Variants in MAGI1 observed in about 807,000 individuals in gnomAD.
MAGI1 encodes the protein membrane associated guanylate kinase, WW and PDZ domain containing 1.
A neutral mutation model predicts 139.9 loss-of-function variants in MAGI1; 58 were observed. The ratio of observed to expected loss-of-function variants is 0.41; its 90% CI spans 0.34 to 0.52. The LOEUF is 0.52. MAGI1 is among the 20% of genes least tolerant of loss of function. The probability of loss-of-function intolerance (pLI) is 0.12; values close to 1 mark genes in which losing one functional copy is unlikely to be tolerated. For synonymous variants in MAGI1, 812 were observed against 737.9 expected (o/e 1.10, Z -1.63); for missense variants, 1,874 against 1,901.6 (o/e 0.99, Z 0.27).
At position 65,765,058 on chromosome 3, in the gene MAGI1, G is replaced by C. The variant is rs545067354; in HGVS notation, c.314-142970C>G. 2.0e-5 allele frequency among the ~76,000 whole-genome samples: 3 copies of C among 152,264 alleles called. No homozygotes were observed. In the East Asian group the frequency reaches 5.8e-4, roughly 29 times the overall value. The stretch of plus-strand genomic sequence containing the variant: ...TGAGGCTGATTTTCATAAAGGGCCT[G>C]TGTCCCCAAGGTAAGGAATGCATCC... On this transcript the variant is annotated intron_variant, in intron 1 of 22. Coordinates refer to ENST00000402939, the MANE Select transcript of MAGI1 (RefSeq NM_001033057.2).
rs1950486662 is a variant in MAGI1, at chr3:65,470,425, T to C, written c.817A>G (p.Ser273Gly). ...LQETALPPVN[S>G]SIIAAPITDP... Reference sequence around the variant, plus strand: ...GTGATGGGAGCAGCGATGATGCTACTATTCACAGGTGGTAATGCTGTTTCT... The same window carrying C: ...GTGATGGGAGCAGCGATGATGCTACCATTCACAGGTGGTAATGCTGTTTCT... Residue 273 changes from serine (S) to glycine (G), a missense_variant, in exon 5 of 23, where the codon AGT becomes GGT. Physicochemically the swap from Ser to Gly is moderately conservative, Grantham distance 56. Transcript: ENST00000402939. The C allele has an allele frequency of 6.2e-7, 1 of 1,613,782 alleles. No individual in the cohort carries two copies. Among genetic ancestry groups the C allele is most frequent in the Non-Finnish European group, 8.5e-7 (1 of 1,179,936 alleles).
At chr3:65,430,625 T>G (rs1026868466) in intron 11 of MAGI1, 74 bp downstream of exon 11, 1 of 1,502,418 alleles carries the variant, frequency 6.7e-7, no homozygotes, top group African/African-American at 1.4e-5. Context: ...ACAAACAACA[T>G]CATGATTGCA....
chr3:65,490,728 C>G (rs1008344972), intron 3 of MAGI1, among the ~76,000 whole-genome samples: 16 of 151,412 alleles, frequency 1.1e-4, no homozygotes, highest in Admixed American at 4.0e-4. Flanking sequence ...CCTGTAGTTC[C>G]AGCTACTCAG....
At chr3:65,361,451 CA>C (rs973319944) in intron 21 of MAGI1, 114 bp from the exon 22 acceptor site, 2 of 991,482 alleles carry the variant, frequency 2.0e-6, no homozygotes, top group Non-Finnish European at 3.0e-6. Flanking sequence ...GTGACAAAAA[CA>C]AACAGAAATC....
At chr3:65,975,355 T>A (rs887694848) in intron 1 of MAGI1, among the ~76,000 whole-genome samples, 2 of 152,238 alleles carry the variant, frequency 1.3e-5, no homozygotes, top group Non-Finnish European at 2.9e-5. Context: ...TCATTTCTAG[T>A]CTTCATACCA....
rs540614769 is a variant in MAGI1, at chr3:65,398,221, T to G, written c.2199+3218A>C. On this transcript the variant is annotated intron_variant, in intron 13 of 22. Coordinates refer to ENST00000402939, the MANE Select transcript of MAGI1 (RefSeq NM_001033057.2). Reference sequence around the variant, plus strand: ...GTAGGTGGAGCAACAGATGGATAAATAGAAGATGATAGCTAGGTGTGGTGG... The same window carrying G: ...GTAGGTGGAGCAACAGATGGATAAAGAGAAGATGATAGCTAGGTGTGGTGG... Among the ~76,000 whole-genome samples, 7 of 152,178 alleles carry G rather than the reference T, an allele frequency of 4.6e-5. No homozygotes were observed. The South Asian group carries it at 1.5e-3, about 32-fold the overall frequency.
chr3:65,715,926 A>G (rs1287111602), intron 1 of MAGI1, among the ~76,000 whole-genome samples: 2 of 152,186 alleles, frequency 1.3e-5, no homozygotes, highest in East Asian at 3.9e-4. Context: ...ATCTCAGTTG[A>G]GATGTTCCTT....
chr3:65,777,642 C>A (rs866752912), intron 1 of MAGI1, among the ~76,000 whole-genome samples: 1,566 of 116,606 alleles, frequency 0.013, no homozygotes, highest in Middle Eastern at 0.018. Flanking sequence ...ACTCTTATCA[C>A]AAAAAAAAAA....
intron 1 of MAGI1, among the ~76,000 whole-genome samples, chr3:65,659,156 T>C (rs1025500241): frequency 6.6e-6 from 1 of 152,120 alleles, no homozygotes; most frequent in African/African-American, 2.4e-5. Flanking sequence ...TCCATGTTCT[T>C]AACCACTGTG....
intron 2 of MAGI1, chr3:65,549,550 C>G: frequency 1.1e-6 from 1 of 901,686 alleles, no homozygotes; most frequent in Non-Finnish European, 1.3e-6. Flanking sequence ...AGGCAGTAGG[C>G]TCGGCCAGGG....
intron 1 of MAGI1, among the ~76,000 whole-genome samples, chr3:65,861,541 T>C (rs756992464): frequency 6.6e-6 from 1 of 152,110 alleles, no homozygotes; most frequent in African/African-American, 2.4e-5. Context: ...AGTACTGTAA[T>C]AGGGAAAATA....
intron 1 of MAGI1, among the ~76,000 whole-genome samples, chr3:65,709,575 G>A (rs1397472601): frequency 6.6e-6 from 1 of 152,190 alleles, no homozygotes; most frequent in Non-Finnish European, 1.5e-5. Context: ...AGAGACAACA[G>A]GAAACGTCAG....
At chr3:65,528,496 C>G (rs1282389554) in intron 2 of MAGI1, among the ~76,000 whole-genome samples, 6 of 152,146 alleles carry the variant, frequency 3.9e-5, no homozygotes, top group African/African-American at 1.4e-4. Flanking sequence ...CTCCAATGAA[C>G]TTATACCTCT....
chr3:65,436,007 C>A (rs911908565), intron 10 of MAGI1, among the ~76,000 whole-genome samples: 1 of 152,070 alleles, frequency 6.6e-6, no homozygotes, highest in Admixed American at 6.6e-5. Flanking sequence ...ACTGAGGACT[C>A]CACAGTCATG....
At chr3:65,797,201 C>A (rs77876030) in intron 1 of MAGI1, among the ~76,000 whole-genome samples, 4,267 of 152,200 alleles carry the variant, frequency 0.028, 86 homozygotes, top group Non-Finnish European at 0.039. Flanking sequence ...ACAATGTAAG[C>A]CATTATCCAG....
At chr3:65,599,873 C>T (rs1010061479) in intron 2 of MAGI1, among the ~76,000 whole-genome samples, 1 of 152,144 alleles carries the variant, frequency 6.6e-6, no homozygotes, top group Middle Eastern at 3.2e-3. Flanking sequence ...AACACAGATT[C>T]GCTGGCTTCA....
chr3:66,030,585 T>C (rs2068536903), intron 1 of MAGI1, among the ~76,000 whole-genome samples: 1 of 152,186 alleles, frequency 6.6e-6, no homozygotes, highest in Non-Finnish European at 1.5e-5. Flanking sequence ...AGTGGAGTTA[T>C]GGTTTTCAAT....
At chr3:65,756,514 C>A (rs2036579704) in intron 1 of MAGI1, among the ~76,000 whole-genome samples, 1 of 152,128 alleles carries the variant, frequency 6.6e-6, no homozygotes, top group Admixed American at 6.5e-5. Context: ...AGAACAGGAG[C>A]ATGGCTTTAT....
chr3:65,672,326 T>G (rs1375981285), intron 1 of MAGI1, among the ~76,000 whole-genome samples: 1 of 152,230 alleles, frequency 6.6e-6, no homozygotes, highest in Non-Finnish European at 1.5e-5. Context: ...GGCAAGAAAG[T>G]ACTTTAGAGA....
Sources: gnomAD v4.1 joint callset for allele counts (sites outside exome capture counted in the v4.1 genomes callset) on GRCh38, gnomAD v4.1.1 for gene constraint, MANE v1.5 for transcripts, NCBI Gene and HGNC (gene_info 2026-07-23, HGNC 2026-07-21) for gene names.